Variants in HCN1 observed in about 807,000 individuals in gnomAD.
HCN1 encodes potassium/sodium hyperpolarization-activated cyclic nucleotide-gated channel 1.
HCN1 carries 13 observed loss-of-function variants against 78.9 expected under a neutral mutation model. The observed-to-expected ratio is 0.16, with a 90% confidence interval of 0.11 to 0.26. HCN1 has a LOEUF of 0.26. Among genes scored for constraint, HCN1 ranks in the 10% least tolerant of loss-of-function variants. The pLI is 1.00. For missense variants in HCN1, 810 were observed against 1,154.3 expected (o/e 0.70, Z 4.32); for synonymous variants, 552 against 455.5 (o/e 1.21, Z -2.70).
At chr5:45,661,436 G>C (rs1324998663) in intron 1 of HCN1, among the ~76,000 whole-genome samples, 1 of 148,696 alleles carries the variant, frequency 6.7e-6, no homozygotes, top group African/African-American at 2.5e-5. Context: ...CTAGCAGAAG[G>C]CAAGAAATAA....
intron 4 of HCN1, among the ~76,000 whole-genome samples, chr5:45,358,511 C>T (rs925543477): frequency 6.6e-6 from 1 of 152,088 alleles, no homozygotes; most frequent in African/African-American, 2.4e-5. Flanking sequence ...CTCTCTCCTT[C>T]AACTCATGAC....
intron 3 of HCN1, among the ~76,000 whole-genome samples, chr5:45,405,272 ACAGGTCAT>A (rs767340883): frequency 8.5e-5 from 13 of 152,202 alleles, no homozygotes; most frequent in Admixed American, 2.0e-4. Context: ...AAGAAGTATA[ACAGGTCAT>A]CAGTGTCAAA....
intron 2 of HCN1, among the ~76,000 whole-genome samples, chr5:45,557,629 C>T (rs1400138379): frequency 6.6e-6 from 1 of 152,064 alleles, no homozygotes; most frequent in Admixed American, 6.6e-5. Flanking sequence ...GCATGTGCTC[C>T]TTCATGGCTT....
At chr5:45,518,721 A>G (rs776821249) in intron 2 of HCN1, among the ~76,000 whole-genome samples, 3 of 152,024 alleles carry the variant, frequency 2.0e-5, no homozygotes, top group Non-Finnish European at 4.4e-5. Context: ...TCAGAAAACA[A>G]CAGAAAGAAT....
chr5:45,467,440 G>A (rs562493657), intron 2 of HCN1, among the ~76,000 whole-genome samples: 4 of 151,850 alleles, frequency 2.6e-5, no homozygotes, highest in African/African-American at 4.8e-5. Context: ...CAATGTCCAC[G>A]TGCCACACAT....
Position 45,373,556 on chromosome 5 carries a change from T to C in HCN1, c.1231-20310A>G, listed in dbSNP as rs111206616. Among the ~76,000 whole-genome samples, 896 of 141,154 alleles carry C rather than the reference T, an allele frequency of 6.3e-3. 5 individuals carry two copies. Among genetic ancestry groups the C allele is most frequent in the African/African-American group, 0.023 (866 of 38,202 alleles). The allele number at this position is 141,154 out of a possible 152,430, so 92.6% of individuals were successfully genotyped here. On this transcript the variant is annotated intron_variant, in intron 4 of 7. Coordinates refer to ENST00000303230, the MANE Select transcript of HCN1 (RefSeq NM_021072.4). Reference sequence around the variant, plus strand: ...CATTATATAGGTCATCTATAATATATATTACATACATTATATACGTCATCT... The same window carrying C: ...CATTATATAGGTCATCTATAATATACATTACATACATTATATACGTCATCT...
intron 3 of HCN1, among the ~76,000 whole-genome samples, chr5:45,412,187 C>A (rs538374308): frequency 6.6e-6 from 1 of 152,206 alleles, no homozygotes; most frequent in Non-Finnish European, 1.5e-5. Context: ...TGACTCATGC[C>A]AGATTTTCCT....
At chr5:45,575,930 A>G (rs927315122) in intron 2 of HCN1, 5 of 152,124 alleles carry the variant, frequency 3.3e-5, no homozygotes, top group African/African-American at 1.2e-4. Flanking sequence ...TATAGCTGCC[A>G]TAGATGGTGA....
At position 45,353,295 on chromosome 5, in the gene HCN1, T is replaced by C. The variant is rs1226880684; in HGVS notation, c.1231-49A>G. On this transcript the variant is annotated intron_variant, in intron 4 of 7. Transcript: ENST00000303230. ...TAAAAAAAAACATTGTTAGGGTGTA[T>C]CAGAAATCATATTATTTTGTTTTGC... 2.3e-6 allele frequency: 3 copies of C among 1,327,950 alleles called. No individual in the cohort carries two copies. In the East Asian group the frequency reaches 6.9e-5, roughly 31 times the overall value. The allele number at this position is 1,327,950 out of a possible 1,614,324, so 82.3% of individuals were successfully genotyped here.
chr5:45,556,326 GA>G (rs1189855127), intron 2 of HCN1, among the ~76,000 whole-genome samples: 1 of 151,800 alleles, frequency 6.6e-6, no homozygotes, highest in Non-Finnish European at 1.5e-5. Context: ...CATTACCAAG[GA>G]ACTCTAGATG....
intron 2 of HCN1, among the ~76,000 whole-genome samples, chr5:45,507,671 C>G (rs984305645): frequency 7.9e-5 from 12 of 152,006 alleles, no homozygotes; most frequent in African/African-American, 2.4e-4. Context: ...CAGAAGGTGA[C>G]CCACGGATTA....
chr5:45,358,214 TA>T (rs1343831124), intron 4 of HCN1, among the ~76,000 whole-genome samples: 1 of 152,094 alleles, frequency 6.6e-6, no homozygotes, highest in Non-Finnish European at 1.5e-5. Context: ...ATCATAAGTA[TA>T]ATAACCATCA....
At chr5:45,488,036 T>C (rs1741803781) in intron 2 of HCN1, among the ~76,000 whole-genome samples, 2 of 152,130 alleles carry the variant, frequency 1.3e-5, no homozygotes, top group Non-Finnish European at 2.9e-5. Context: ...GTGAATCATT[T>C]AAATTTGGAT....
chr5:45,302,630 T>A (rs1363828447), intron 6 of HCN1, among the ~76,000 whole-genome samples: 5 of 150,624 alleles, frequency 3.3e-5, no homozygotes, highest in Admixed American at 2.0e-4. Context: ...ATATATATAT[T>A]TTATATATAT....
intron 5 of HCN1, among the ~76,000 whole-genome samples, chr5:45,311,026 G>C (rs932528400): frequency 1.3e-5 from 2 of 152,082 alleles, no homozygotes; most frequent in Non-Finnish European, 2.9e-5. Context: ...GGTGGAAGGA[G>C]GGATAGAACC....
chr5:45,436,298 C>G (rs1740559037), intron 3 of HCN1, among the ~76,000 whole-genome samples: 1 of 152,114 alleles, frequency 6.6e-6, no homozygotes, highest in African/African-American at 2.4e-5. Context: ...TAATGAATTC[C>G]CTACCTAAAC....
intron 1 of HCN1, among the ~76,000 whole-genome samples, chr5:45,661,190 G>T (rs1355194901): frequency 3.7e-5 from 5 of 136,676 alleles, no homozygotes; most frequent in African/African-American, 8.3e-5. Flanking sequence ...TGAACAACCT[G>T]CTCCTGAATG....
At chr5:45,550,352 A>G (rs2111853115) in intron 2 of HCN1, among the ~76,000 whole-genome samples, 1 of 152,300 alleles carries the variant, frequency 6.6e-6, no homozygotes, top group African/African-American at 2.4e-5. Flanking sequence ...TTGTAGGGAC[A>G]TGGATGACCT....
chr5:45,442,865 C>T lies in HCN1; in HGVS notation c.1011+18981G>A, dbSNP rs190616260. Among the ~76,000 whole-genome samples the T allele has an allele frequency of 3.9e-4, 60 of 152,112 alleles. 1 individual carries two copies. The South Asian group carries it at 0.011, about 27-fold the overall frequency. On this transcript the variant is annotated intron_variant, in intron 3 of 7. Coordinates refer to ENST00000303230, the MANE Select transcript of HCN1 (RefSeq NM_021072.4). The stretch of plus-strand genomic sequence containing the variant: ...TGTCAGTTTGCTATCAATTTTTAAT[C>T]AGTTTGATTAGGCTAGAGAATATTT...
Sources: gnomAD v4.1 joint callset for allele counts (sites outside exome capture counted in the v4.1 genomes callset) on GRCh38, gnomAD v4.1.1 for gene constraint, MANE v1.5 for transcripts, NCBI Gene and HGNC (gene_info 2026-07-23, HGNC 2026-07-21) for gene names.